Variants in SLC6A3 observed in about 807,000 individuals in gnomAD.
SLC6A3 encodes the protein solute carrier family 6 member 3, also known as sodium-dependent dopamine transporter.
In SLC6A3, 19 loss-of-function variants were observed where a neutral mutation model predicts 70.4. The ratio of observed to expected loss-of-function variants is 0.27; its 90% CI spans 0.19 to 0.40. SLC6A3 has a LOEUF of 0.40. SLC6A3 is among the 10% of genes least tolerant of loss of function. The pLI is 1.00. For synonymous variants in SLC6A3, 368 were observed against 356.6 expected (o/e 1.03, Z -0.36); for missense variants, 613 against 838.5 (o/e 0.73, Z 3.32).
At chr5:1,400,216 C>T (rs1755812822) in intron 14 of SLC6A3, among the ~76,000 whole-genome samples, 1 of 152,130 alleles carries the variant, frequency 6.6e-6, no homozygotes, top group African/African-American at 2.4e-5. Context: ...AGCCCAGGCT[C>T]CTCTCCTGCT....
intron 4 of SLC6A3, among the ~76,000 whole-genome samples, chr5:1,423,786 C>G (rs1164210741): frequency 1.3e-5 from 2 of 152,196 alleles, no homozygotes; most frequent in African/African-American, 4.8e-5. Flanking sequence ...GACTTGGGGC[C>G]AAGACAACTG....
intron 2 of SLC6A3, among the ~76,000 whole-genome samples, chr5:1,441,948 G>A (rs1236458033): frequency 6.6e-6 from 1 of 152,146 alleles, no homozygotes; most frequent in Non-Finnish European, 1.5e-5. Flanking sequence ...GGCCCTCAGA[G>A]GCTGCCCCTA....
chr5:1,427,978 AAC>A (rs1269342529), intron 4 of SLC6A3, among the ~76,000 whole-genome samples: 1 of 152,162 alleles, frequency 6.6e-6, no homozygotes, highest in Non-Finnish European at 1.5e-5. Context: ...AAACCTGAAA[AAC>A]ACAGTGACCT....
In SLC6A3 at chr5:1,409,797, A is replaced by G. The variant is rs1756070909; in HGVS notation, c.1322T>C (p.Leu441Pro). Residue 441 changes from leucine to proline, a missense_variant, in exon 10 of 15, where the codon CTG (leucine) becomes CCG (proline). Transcript: ENST00000270349. ...CGTGAAGAGCTCACGGTGTCTGTGC[A>G]GCAGCTGGAACTCATCGATGAGCCC... ...ITGLIDEFQL[L>P]HRHRELFTLF... 4 of 1,613,450 alleles carry G rather than the reference A, an allele frequency of 2.5e-6. No homozygotes were observed. Among genetic ancestry groups the G allele is most frequent in the South Asian group, 1.1e-5 (1 of 91,086 alleles).
intron 6 of SLC6A3, among the ~76,000 whole-genome samples, chr5:1,417,657 C>CCT (rs1481318517): frequency 1.3e-5 from 2 of 152,242 alleles, no homozygotes; most frequent in Non-Finnish European, 2.9e-5. Flanking sequence ...ACTGCGGAGA[C>CCT]CATTCAGTGA....
chr5:1,440,655 A>G (rs759828635), intron 3 of SLC6A3, among the ~76,000 whole-genome samples: 1 of 152,248 alleles, frequency 6.6e-6, no homozygotes, highest in African/African-American at 2.4e-5. Flanking sequence ...CCCTAATCCA[A>G]CAGGACTTCT....
chr5:1,441,306 TCAC>T, intron 3 of SLC6A3, 50 bp downstream of exon 3: 1 of 1,611,290 alleles, frequency 6.2e-7, no homozygotes, highest in African/African-American at 1.3e-5. Flanking sequence ...AGCTCCAGCG[TCAC>T]CACCATGATC....
At chr5:1,441,769 A>G (rs1733675563) in intron 2 of SLC6A3, among the ~76,000 whole-genome samples, 1 of 152,144 alleles carries the variant, frequency 6.6e-6, no homozygotes, top group Admixed American at 6.5e-5. Flanking sequence ...GCCCATGCTC[A>G]GCGGTGCTCT....
Position 1,413,651 on chromosome 5 carries a change from G to A in SLC6A3, c.1156+1040C>T, listed in dbSNP as rs1291926967. 6.6e-6 allele frequency among the ~76,000 whole-genome samples: 1 copy of A among 152,140 alleles called. No homozygotes were observed. Among genetic ancestry groups the A allele is most frequent in the African/African-American group, 2.4e-5 (1 of 41,400 alleles). ...GAAGCAAGGATGGGGACGCAGCATG[G>A]GAGCCCACCCAACCCAGGCCCGTGT... is the stretch of plus-strand genomic sequence containing the variant. On this transcript the variant is annotated intron_variant, in intron 8 of 14. Coordinates refer to ENST00000270349, the MANE Select transcript of SLC6A3 (RefSeq NM_001044.5). This position sits in a 1 kb window ranked among gnomAD's most constrained non-coding sequence, Gnocchi z 7.1.
Position 1,414,790 on chromosome 5 carries a change from T to G in SLC6A3, c.1057A>C (p.Asn353His). The G allele has an allele frequency of 6.2e-7, 1 of 1,612,756 alleles. No homozygotes were observed. Among genetic ancestry groups the G allele is most frequent in the Non-Finnish European group, 8.5e-7 (1 of 1,179,816 alleles). The change falls in exon 8 of 15, where the codon AAC (asparagine) becomes CAC (histidine). Residue 353 changes from asparagine (N) to histidine (H), a missense_variant. Physicochemically the swap from Asn to His is moderately conservative, Grantham distance 68. Around this residue, in one of 4 missense-constraint regions of SLC6A3, gnomAD observed 348 missense variants for 481.2 expected, o/e 0.72. Coordinates refer to ENST00000270349, the MANE Select transcript of SLC6A3 (RefSeq NM_001044.5). Reference sequence around the variant, plus strand: ...CCGGAGGAGAAGCTCGTCAGGGAGTTGATGGAGGTGGTGACAATCGCGTCC... The same window carrying G: ...CCGGAGGAGAAGCTCGTCAGGGAGTGGATGGAGGTGGTGACAATCGCGTCC... ...YRDAIVTTSINSLTSFSSGFV... is the reference protein window; with the variant it reads ...YRDAIVTTSIHSLTSFSSGFV...
chr5:1,429,355 C>T (rs1222413661), intron 4 of SLC6A3, among the ~76,000 whole-genome samples: 1 of 152,212 alleles, frequency 6.6e-6, no homozygotes, highest in East Asian at 1.9e-4. Flanking sequence ...CAACTCCCCA[C>T]GTCTGCTCTT....
At chr5:1,430,106 A>G (rs1756660699) in intron 4 of SLC6A3, among the ~76,000 whole-genome samples, 1 of 152,070 alleles carries the variant, frequency 6.6e-6, no homozygotes, top group Non-Finnish European at 1.5e-5. Flanking sequence ...ACCAGGACTC[A>G]TCCCGGGTGC....
At chr5:1,409,233 G>A in intron 10 of SLC6A3, 108 bp from the exon 11 acceptor site, 1 of 833,884 alleles carries the variant, frequency 1.2e-6, no homozygotes, top group Non-Finnish European at 2.0e-6. Context: ...GCAAAACTCT[G>A]GTTTGAGTCC....
In SLC6A3 at chr5:1,408,332, G is replaced by A. The variant is rs183838322; in HGVS notation, c.1498+694C>T. On this transcript the variant is annotated intron_variant, in intron 11 of 14. Coordinates refer to ENST00000270349, the MANE Select transcript of SLC6A3 (RefSeq NM_001044.5). This position sits in a 1 kb window ranked among gnomAD's most constrained non-coding sequence, Gnocchi z 6.4. ...GCTGGGATTACAGGCGTGAGTCACC[G>A]CGCCCGGACCACACATTCATGGCGA... is the stretch of plus-strand genomic sequence containing the variant. Among the ~76,000 whole-genome samples, 406 of 151,918 alleles carry A rather than the reference G, an allele frequency of 2.7e-3. 4 individuals are homozygous for A. Among genetic ancestry groups the A allele is most frequent in the African/African-American group, 9.2e-3 (383 of 41,412 alleles).
At position 1,417,498 on chromosome 5, in the gene SLC6A3, C is replaced by T. The variant is rs529015803; in HGVS notation, c.928-1297G>A. Reference sequence around the variant, plus strand: ...AGTGGCACCTGGGCATGGCCAGGAGCCCACCTGCAGCTTAGACACTGGTGC... The same window carrying T: ...AGTGGCACCTGGGCATGGCCAGGAGTCCACCTGCAGCTTAGACACTGGTGC... On this transcript the variant is annotated intron_variant, in intron 6 of 14. Transcript: ENST00000270349. Among the ~76,000 whole-genome samples, 3 of 152,334 alleles carry T rather than the reference C, an allele frequency of 2.0e-5. No homozygotes were observed. The East Asian group carries it at 5.8e-4, about 29-fold the overall frequency.
chr5:1,428,411 A>G (rs1020562699), intron 4 of SLC6A3, among the ~76,000 whole-genome samples: 1 of 152,210 alleles, frequency 6.6e-6, no homozygotes, highest in Non-Finnish European at 1.5e-5. Context: ...AGTGTCGATA[A>G]GTATTTATGG....
chr5:1,416,522 C>T, intron 6 of SLC6A3: 1 of 482,892 alleles, frequency 2.1e-6, no homozygotes, highest in East Asian at 4.1e-5. Flanking sequence ...ATGGACTCAT[C>T]CACACACGGC....
rs1164524323 is a variant in SLC6A3, at chr5:1,402,001, C to G, written c.1767+921G>C. Reference sequence around the variant, plus strand: ...TGCTTTGCCTGCACTGGGCCTTGGCCTGGCCAGGCTGCTGGAGAGACTGGC... The same window carrying G: ...TGCTTTGCCTGCACTGGGCCTTGGCGTGGCCAGGCTGCTGGAGAGACTGGC... On this transcript the variant is annotated intron_variant, in intron 13 of 14. Coordinates refer to ENST00000270349, the MANE Select transcript of SLC6A3 (RefSeq NM_001044.5). This position sits in a 1 kb window ranked among gnomAD's most constrained non-coding sequence, Gnocchi z 8.5. Among the ~76,000 whole-genome samples, 1 of 152,332 alleles carries G rather than the reference C, an allele frequency of 6.6e-6. No individual in the cohort carries two copies. Among genetic ancestry groups the G allele is most frequent in the East Asian group, 1.9e-4 (1 of 5,158 alleles).
rs149862368 is a variant in SLC6A3 at position 1,405,283 on chromosome 5, C to A, written c.1599+905G>T. The stretch of plus-strand genomic sequence containing the variant: ...GCCTGTCTCTCATCTCTTTCCTGTA[C>A]CCCGGAACCCCTCTGCTGGCAACTA... On this transcript the variant is annotated intron_variant, in intron 12 of 14. Transcript: ENST00000270349. This position sits in a 1 kb window ranked among gnomAD's most constrained non-coding sequence, Gnocchi z 5.3. Among the ~76,000 whole-genome samples the A allele has an allele frequency of 1.3e-5, 2 of 152,326 alleles. No homozygotes were observed. Among genetic ancestry groups the A allele is most frequent in the East Asian group, 3.9e-4 (2 of 5,184 alleles).
Sources: gnomAD v4.1 joint callset for allele counts (sites outside exome capture counted in the v4.1 genomes callset) on GRCh38, gnomAD v4.1.1 for gene constraint, gnomAD v4.1.1 regional missense constraint, Gnocchi (gnomAD v3.1) non-coding constraint, MANE v1.5 for transcripts, NCBI Gene and HGNC (gene_info 2026-07-23, HGNC 2026-07-21) for gene names.